TMTC1: variants seen among roughly 807,000 people sequenced by gnomAD.
TMTC1 encodes the protein transmembrane O-mannosyltransferase targeting cadherins 1.
Under a neutral mutation model 104.8 loss-of-function variants are expected in TMTC1, and 73 were observed. The observed-to-expected ratio is 0.70, with a 90% confidence interval of 0.58 to 0.85. The LOEUF (loss-of-function observed/expected upper bound fraction) is 0.85. TMTC1 is among the 40% of genes least tolerant of loss of function. The pLI is 0.00. For synonymous variants in TMTC1, 434 were observed against 428.7 expected, an observed-to-expected ratio of 1.01 and a Z score of -0.15; for missense variants, 1,035 against 1,096.1, an observed-to-expected ratio of 0.94 and a Z score of 0.79.
chr12:29,555,134 C>CTTTTTTTTTTTT (rs77513599), intron 10 of TMTC1, among the ~76,000 whole-genome samples: 2 of 88,202 alleles, frequency 2.3e-5, no homozygotes, highest in Non-Finnish European at 4.0e-5. Context: ...TTCCAACATC[C>CTTTTTTTTTTTT]TTTTTTTTTT....
chr12:29,517,959 A>T (rs1476237975), intron 13 of TMTC1, among the ~76,000 whole-genome samples: 1 of 152,056 alleles, frequency 6.6e-6, no homozygotes, highest in Non-Finnish European at 1.5e-5. Flanking sequence ...AGGTGATTCG[A>T]CCATCTTGGC....
At chr12:29,599,938 A>ATG (rs1287740480) in intron 7 of TMTC1, among the ~76,000 whole-genome samples, 4 of 147,252 alleles carry the variant, frequency 2.7e-5, no homozygotes, top group African/African-American at 7.6e-5. Flanking sequence ...GTGTATATAT[A>ATG]TGTGTGTGTA....
intron 6 of TMTC1, among the ~76,000 whole-genome samples, chr12:29,606,790 C>T (rs1024876549): frequency 1.3e-5 from 2 of 152,136 alleles, no homozygotes; most frequent in African/African-American, 2.4e-5. Flanking sequence ...CTGAAAGAGG[C>T]TTCTCTCTAT....
intron 9 of TMTC1, among the ~76,000 whole-genome samples, chr12:29,570,859 A>C (rs1299938095): frequency 7.3e-6 from 1 of 136,268 alleles, no homozygotes; most frequent in Non-Finnish European, 1.6e-5. Context: ...ACAAAACAAA[A>C]CAAAACAAAA....
At chr12:29,537,022 C>T (rs1386695435) in intron 10 of TMTC1, among the ~76,000 whole-genome samples, 15 of 152,164 alleles carry the variant, frequency 9.9e-5, no homozygotes, top group Admixed American at 9.8e-4. Flanking sequence ...TAAAAGTTCT[C>T]TTTCCTGTTA....
At chr12:29,706,775 G>T (rs1941757132) in intron 5 of TMTC1, among the ~76,000 whole-genome samples, 1 of 152,038 alleles carries the variant, frequency 6.6e-6, no homozygotes, top group African/African-American at 2.4e-5. Flanking sequence ...GGTATTTTTT[G>T]ATATGCTTTC....
At chr12:29,560,770 T>C (rs1945358194) in intron 9 of TMTC1, among the ~76,000 whole-genome samples, 1 of 152,116 alleles carries the variant, frequency 6.6e-6, no homozygotes, top group Admixed American at 6.5e-5. Context: ...TTTCCTTAAG[T>C]AGAATTAATA....
intron 5 of TMTC1, among the ~76,000 whole-genome samples, chr12:29,669,997 T>C (rs10771564): frequency 0.55 from 84,270 of 151,946 alleles, 23,590 homozygotes; most frequent in African/African-American, 0.63. Context: ...GTCTCCTCTC[T>C]GACCACACAT....
chr12:29,670,956 T>C (rs1371492299), intron 5 of TMTC1, among the ~76,000 whole-genome samples: 3 of 57,260 alleles, frequency 5.2e-5, no homozygotes, highest in East Asian at 1.1e-3. Context: ...AAAAAAAGGA[T>C]AGGAATTCAG....
chr12:29,612,392 C>G (rs1320496811), intron 6 of TMTC1, among the ~76,000 whole-genome samples: 1 of 152,070 alleles, frequency 6.6e-6, no homozygotes, highest in Admixed American at 6.5e-5. Flanking sequence ...TGAAATGGTT[C>G]ATCCATTCAT....
intron 5 of TMTC1, among the ~76,000 whole-genome samples, chr12:29,660,584 C>T (rs1339165180): frequency 6.6e-6 from 1 of 152,112 alleles, no homozygotes; most frequent in Non-Finnish European, 1.5e-5. Flanking sequence ...TTCACATTGT[C>T]CACATCATTA....
At chr12:29,551,541 CAT>C (rs1945102913) in intron 10 of TMTC1, among the ~76,000 whole-genome samples, 1 of 152,146 alleles carries the variant, frequency 6.6e-6, no homozygotes, top group Non-Finnish European at 1.5e-5. Flanking sequence ...ACCTAACACT[CAT>C]ATTCTATTAT....
chr12:29,564,542 G>C (rs1161057822), intron 9 of TMTC1, among the ~76,000 whole-genome samples: 1 of 152,200 alleles, frequency 6.6e-6, no homozygotes, highest in African/African-American at 2.4e-5. Flanking sequence ...GCTGCTGAGA[G>C]TTAGGTAATT....
chr12:29,514,598 C>G lies in TMTC1; in HGVS notation c.2314G>C (p.Asp772His), dbSNP rs752737592. The change falls in exon 16 of 18, where the codon GAT becomes CAT. Residue 772 changes from aspartate to histidine, a missense_variant. Asp to His is a moderately conservative substitution (Grantham distance 81, BLOSUM62 -1). Transcript: ENST00000539277. ...AGCTGGAGAGCCTTGTCTATAGCAT[C>G]AAGTGCCTGCAGAGGTTGGAAATTA... ...SKQENHDKAL[D>H]AIDKALQLKP... 3.8e-5 allele frequency: 62 copies of G among 1,611,210 alleles called. 1 individual carries two copies. The South Asian group carries it at 6.4e-4, about 17-fold the overall frequency.
At chr12:29,713,274 A>G (rs967545975) in intron 5 of TMTC1, among the ~76,000 whole-genome samples, 3 of 149,874 alleles carry the variant, frequency 2.0e-5, no homozygotes, top group Non-Finnish European at 3.0e-5. Context: ...CCAGTTCCTT[A>G]AAATAAATCT....
intron 5 of TMTC1, among the ~76,000 whole-genome samples, chr12:29,694,334 C>T (rs1941351465): frequency 6.6e-6 from 1 of 152,090 alleles, no homozygotes. Context: ...GTATTGCTTC[C>T]AGGACCCCCT....
chr12:29,681,743 A>T (rs1316611177), intron 5 of TMTC1, among the ~76,000 whole-genome samples: 4 of 151,508 alleles, frequency 2.6e-5, no homozygotes, highest in African/African-American at 9.7e-5. Flanking sequence ...TCTACAGATT[A>T]ATAGAGACTT....
intron 3 of TMTC1, among the ~76,000 whole-genome samples, chr12:29,758,154 T>C (rs1051659849): frequency 6.6e-6 from 1 of 152,134 alleles, no homozygotes; most frequent in African/African-American, 2.4e-5. Flanking sequence ...AGGTGTAATA[T>C]AATGGGAAAT....
At position 29,583,435 on chromosome 12, in the gene TMTC1, T is replaced by A; in HGVS notation, c.1390A>T (p.Ile464Phe). 1.2e-6 allele frequency: 2 copies of A among 1,613,904 alleles called. No homozygotes were observed. The highest frequency in any genetic ancestry group is 1.7e-6 in the Non-Finnish European group (2 of 1,179,858). The change falls in exon 8 of 18, where the codon ATT (isoleucine) becomes TTT (phenylalanine). Residue 464 changes from isoleucine to phenylalanine, a missense_variant. Physicochemically the swap from Ile to Phe is conservative, Grantham distance 21. Transcript: ENST00000539277. Reference sequence around the variant, plus strand: ...AATAGGGACTCTCTTGACAGCCAAATTTCATTCTGTTTCACAGTTTTCCAA... The same window carrying A: ...AATAGGGACTCTCTTGACAGCCAAAATTCATTCTGTTTCACAGTTTTCCAA... ...FSWKTVKQNE[I>F]WLSRESLFRS...
Sources: allele counts gnomAD v4.1 joint callset (sites outside exome capture counted in the v4.1 genomes callset), GRCh38; gene constraint gnomAD v4.1.1; transcripts MANE v1.5; gene names NCBI Gene and HGNC (gene_info 2026-07-23, HGNC 2026-07-21).